Variants in PABPC4L observed in about 807,000 individuals in gnomAD.
The protein encoded by PABPC4L is polyadenylate-binding protein 4-like.
For synonymous variants in PABPC4L, 169 were observed against 164.1 expected, an observed-to-expected ratio of 1.03 and a Z score of -0.23; for missense variants, 452 against 451.4, an observed-to-expected ratio of 1.00 and a Z score of -0.01.
At chr4:134,175,611 G>C in the PABPC4L span, among the ~76,000 whole-genome samples, 1 of 151,946 alleles carries the variant, frequency 6.6e-6, no homozygotes, top group African/African-American at 2.4e-5. Flanking sequence ...ATCACGTCTG[G>C]CTAATTTTTG....
At chr4:134,144,697 T>C in the PABPC4L span, among the ~76,000 whole-genome samples, 2 of 151,702 alleles carry the variant, frequency 1.3e-5, no homozygotes, top group African/African-American at 2.4e-5. Context: ...TCTATTATAC[T>C]CGGGACCCTG....
At chr4:133,989,643 G>T in the PABPC4L span, among the ~76,000 whole-genome samples, 1 of 152,024 alleles carries the variant, frequency 6.6e-6, no homozygotes, top group South Asian at 2.1e-4. Flanking sequence ...TTCCCACGTT[G>T]TTCTGTCTTC....
chr4:134,170,654 T>C, the PABPC4L span, among the ~76,000 whole-genome samples: 1 of 152,024 alleles, frequency 6.6e-6, no homozygotes, highest in South Asian at 2.1e-4. Flanking sequence ...CTAGATCTTG[T>C]AAGAACTCAC....
the PABPC4L span, among the ~76,000 whole-genome samples, chr4:134,088,827 A>T: frequency 1.3e-5 from 2 of 152,264 alleles, no homozygotes; most frequent in East Asian, 1.9e-4. Flanking sequence ...TGAGATGATC[A>T]TTATTATGAT....
chr4:134,049,747 G>A, the PABPC4L span, among the ~76,000 whole-genome samples: 5 of 152,158 alleles, frequency 3.3e-5, no homozygotes, highest in Non-Finnish European at 7.4e-5. Context: ...TTTTTTAAAA[G>A]ATGTTGTTTA....
the PABPC4L span, among the ~76,000 whole-genome samples, chr4:134,103,091 C>G: frequency 2.6e-5 from 4 of 150,996 alleles, no homozygotes; most frequent in Non-Finnish European, 5.9e-5. Context: ...AGGTGTGGGC[C>G]GATACTTAAT....
the PABPC4L span, among the ~76,000 whole-genome samples, chr4:133,995,618 C>A: frequency 6.6e-6 from 1 of 152,146 alleles, no homozygotes; most frequent in African/African-American, 2.4e-5. Context: ...TGTTGAACTT[C>A]ACTTTTGAGA....
the PABPC4L span, among the ~76,000 whole-genome samples, chr4:134,173,661 T>A: frequency 1.3e-5 from 2 of 152,042 alleles, no homozygotes; most frequent in African/African-American, 4.8e-5. Flanking sequence ...ATAAGACAAC[T>A]ATAGTTAACA....
chr4:134,122,523 T>A, the PABPC4L span, among the ~76,000 whole-genome samples: 11 of 151,880 alleles, frequency 7.2e-5, no homozygotes, highest in African/African-American at 2.7e-4. Context: ...CTTAGAAATA[T>A]GAAAATTAGA....
the PABPC4L span, among the ~76,000 whole-genome samples, chr4:134,014,546 T>A: frequency 6.6e-6 from 1 of 152,156 alleles, no homozygotes; most frequent in Non-Finnish European, 1.5e-5. Flanking sequence ...GAAATCGGAC[T>A]GTTCAACTTA....
At chr4:134,049,391 T>A in the PABPC4L span, among the ~76,000 whole-genome samples, 5 of 152,262 alleles carry the variant, frequency 3.3e-5, no homozygotes, top group East Asian at 9.6e-4. Context: ...AATAAAGGTA[T>A]TTTTTATTCT....
the PABPC4L span, among the ~76,000 whole-genome samples, chr4:134,171,790 A>G: frequency 2.6e-5 from 4 of 152,068 alleles, no homozygotes; most frequent in Non-Finnish European, 5.9e-5. Context: ...GAAAAGGTCC[A>G]AGATCTAATA....
chr4:133,962,334 A>G, the PABPC4L span, among the ~76,000 whole-genome samples: 1 of 152,244 alleles, frequency 6.6e-6, no homozygotes, highest in Non-Finnish European at 1.5e-5. Context: ...TAAGCTAATC[A>G]GGGAGACGCC....
the PABPC4L span, among the ~76,000 whole-genome samples, chr4:134,109,757 T>C: frequency 3.9e-5 from 6 of 152,084 alleles, no homozygotes; most frequent in East Asian, 1.2e-3. Flanking sequence ...GATCATTTTT[T>C]TTTTTTGAGA....
chr4:133,955,544 A>G, the PABPC4L span, among the ~76,000 whole-genome samples: 1 of 152,270 alleles, frequency 6.6e-6, no homozygotes, highest in Admixed American at 6.5e-5. Flanking sequence ...ATGTATTTCT[A>G]TTTTATACAT....
the PABPC4L span, among the ~76,000 whole-genome samples, chr4:134,002,596 C>T: frequency 6.6e-6 from 1 of 151,722 alleles, no homozygotes; most frequent in Non-Finnish European, 1.5e-5. Flanking sequence ...GTTTATATTA[C>T]CTATTTTCCT....
the PABPC4L span, among the ~76,000 whole-genome samples, chr4:133,976,060 G>GCAA: frequency 1.3e-5 from 2 of 152,016 alleles, no homozygotes; most frequent in African/African-American, 4.8e-5. Flanking sequence ...TATCAACCTA[G>GCAA]GTATTAAGCC....
chr4:134,024,430 G>C, the PABPC4L span, among the ~76,000 whole-genome samples: 7 of 152,010 alleles, frequency 4.6e-5, no homozygotes, highest in Non-Finnish European at 1.0e-4. Flanking sequence ...TTTTTGGTGC[G>C]GCTACTCTTC....
the PABPC4L span, among the ~76,000 whole-genome samples, chr4:134,051,944 A>G: frequency 6.6e-6 from 1 of 152,140 alleles, no homozygotes; most frequent in Admixed American, 6.6e-5. Context: ...ATTAAATGGT[A>G]CTTGCTTTTC....
Sources: allele counts gnomAD v4.1 joint callset (sites outside exome capture counted in the v4.1 genomes callset), GRCh38; gene constraint gnomAD v4.1.1; transcripts MANE v1.5; gene names NCBI Gene and HGNC (gene_info 2026-07-23, HGNC 2026-07-21).